The following FRY variants were observed in gnomAD, a reference collection of about 807,000 sequenced individuals.
The protein encoded by FRY is protein furry homolog.
Under a neutral mutation model 348.4 loss-of-function variants are expected in FRY, and 128 were observed. That is an observed-to-expected ratio of 0.37 (90% confidence interval 0.32 to 0.43). The LOEUF (loss-of-function observed/expected upper bound fraction) is 0.43, where lower values mean the gene tolerates loss of function less well. Among genes scored for constraint, FRY ranks in the 20% least tolerant of loss-of-function variants. The probability of loss-of-function intolerance (pLI) is 1.00; values close to 1 mark genes in which losing one functional copy is unlikely to be tolerated. For synonymous variants in FRY, 1,370 were observed against 1,374.7 expected (o/e 1.00, Z 0.08); for missense variants, 2,736 against 3,695.2 (o/e 0.74, Z 6.73).
At chr13:32,183,638 TGGTGGC>T (rs1882845123) in intron 24 of FRY, among the ~76,000 whole-genome samples, 1 of 151,910 alleles carries the variant, frequency 6.6e-6, no homozygotes, top group Admixed American at 6.6e-5. Flanking sequence ...TAGCTGGGCG[TGGTGGC>T]ACGCGCCTGT....
At chr13:32,294,996 AATTGATT>A (rs1261902506) in intron 60 of FRY, among the ~76,000 whole-genome samples, 199 bp from the exon 61 acceptor site, 1 of 152,164 alleles carries the variant, frequency 6.6e-6, no homozygotes, top group Non-Finnish European at 1.5e-5. Flanking sequence ...AATATTCTAA[AATTGATT>A]ATGGTGATGT....
Position 32,124,805 on chromosome 13 carries a change from C to A in FRY, c.646C>A (p.Pro216Thr). 6.2e-7 allele frequency: 1 copy of A among 1,611,572 alleles called. No homozygotes were observed. The highest frequency in any genetic ancestry group is 1.1e-5 in the South Asian group (1 of 90,998). Reference sequence around the variant, plus strand: ...TTATACCCTACTTAGGTACCTTGGTCCCAACACTGGCAATATGCATATTGT... The same window carrying A: ...TTATACCCTACTTAGGTACCTTGGTACCAACACTGGCAATATGCATATTGT... ...HFKYKEGYLGPNTGNMHIVAD... is the reference protein window; with the variant it reads ...HFKYKEGYLGTNTGNMHIVAD... The change falls in exon 7 of 61, where the codon CCC becomes ACC. Residue 216 changes from proline (P) to threonine (T), a missense_variant. Pro to Thr is a conservative substitution (Grantham distance 38). This residue lies in a region of FRY where 309 missense variants were observed against 418.1 expected (regional missense o/e 0.74). Transcript: ENST00000542859.
intron 2 of FRY, among the ~76,000 whole-genome samples, chr13:32,079,730 T>A (rs1480836711): frequency 6.6e-6 from 1 of 152,066 alleles, no homozygotes; most frequent in African/African-American, 2.4e-5. Flanking sequence ...CAAAGGACAG[T>A]CAGGAAGGAA....
Position 32,237,429 on chromosome 13 carries a change from A to G in FRY, c.5861A>G (p.Lys1954Arg). Residue 1954 changes from lysine to arginine, a missense_variant, in exon 44 of 61, where the codon AAG (lysine) becomes AGG (arginine). This residue lies in a region of FRY where 794 missense variants were observed against 977.0 expected (regional missense o/e 0.81). Transcript: ENST00000542859. The surrounding 1 kb of genome is among the most constrained non-coding windows in gnomAD (Gnocchi z 6.3). ...AGCAGTAAACTAACAGCAAGCAGAA[A>G]GAGCACAGGACAACTAAACATGAAC... ...SSSSKLTASR[K>R]STGQLNMNPG... 6.2e-7 allele frequency: 1 copy of G among 1,614,096 alleles called. No homozygotes were observed. Among genetic ancestry groups the G allele is most frequent in the Non-Finnish European group, 8.5e-7 (1 of 1,180,012 alleles).
chr13:32,280,336 T>C (rs1888747033), intron 58 of FRY, among the ~76,000 whole-genome samples: 1 of 152,210 alleles, frequency 6.6e-6, no homozygotes, highest in Non-Finnish European at 1.5e-5. Flanking sequence ...CTCCAGCATT[T>C]CCCTCAATCC....
At chr13:32,236,036 G>T in intron 42 of FRY, 42 bp from the exon 43 acceptor site, 1 of 1,237,994 alleles carries the variant, frequency 8.1e-7, no homozygotes, top group South Asian at 1.2e-5. Flanking sequence ...AATTAACAAT[G>T]GTTACAAGCA....
At chr13:32,183,077 C>A in intron 24 of FRY, 43 bp downstream of exon 24, 1 of 1,199,610 alleles carries the variant, frequency 8.3e-7, no homozygotes, top group Non-Finnish European at 1.2e-6. Context: ...GTTTTTTGGA[C>A]AATCATCTGA....
chr13:32,263,779 C>G (rs545473650), intron 53 of FRY, among the ~76,000 whole-genome samples: 1 of 152,130 alleles, frequency 6.6e-6, no homozygotes, highest in East Asian at 1.9e-4. Flanking sequence ...GAGGCCGAGG[C>G]GGGTGGATCA....
intron 51 of FRY, among the ~76,000 whole-genome samples, chr13:32,260,453 G>T (rs1450174046): frequency 6.6e-6 from 1 of 152,084 alleles, no homozygotes; most frequent in Non-Finnish European, 1.5e-5. Context: ...AAAAAGTTAT[G>T]TTAGTCAAAT....
chr13:32,274,608 G>A (rs949046519), intron 55 of FRY, among the ~76,000 whole-genome samples: 6 of 150,442 alleles, frequency 4.0e-5, no homozygotes, highest in African/African-American at 1.2e-4. Flanking sequence ...GGAGGCTGAG[G>A]CAGGAGAATG....
chr13:32,034,467 G>A (rs1237988590), intron 1 of FRY, among the ~76,000 whole-genome samples: 1 of 152,106 alleles, frequency 6.6e-6, no homozygotes, highest in East Asian at 1.9e-4. Context: ...GAATGGAGGT[G>A]GGAATTAAAA....
At chr13:32,089,933 T>C (rs1197559752) in intron 2 of FRY, among the ~76,000 whole-genome samples, 2 of 152,110 alleles carry the variant, frequency 1.3e-5, no homozygotes, top group Admixed American at 1.3e-4. Flanking sequence ...CTAGGGAGAC[T>C]AATTTTAGTG....
chr13:32,159,336 T>G (rs1405527315), intron 16 of FRY, among the ~76,000 whole-genome samples: 2 of 151,960 alleles, frequency 1.3e-5, no homozygotes, highest in Admixed American at 1.3e-4. Context: ...GAACAGTCAT[T>G]GGAGTTGATA....
intron 40 of FRY, among the ~76,000 whole-genome samples, chr13:32,230,067 C>T (rs1885822834): frequency 6.6e-6 from 1 of 152,064 alleles, no homozygotes; most frequent in African/African-American, 2.4e-5. Flanking sequence ...ATTTTTTTAA[C>T]TCACATTTTA....
Position 32,227,372 on chromosome 13 carries a change from A to G in FRY, c.5207-1084A>G, listed in dbSNP as rs1037914527. On this transcript the variant is annotated intron_variant, in intron 39 of 60. Transcript: ENST00000542859. ...CACTGAGATACAGAGAATTCCATAAATTCCCTGAGGCTACACTATAAGTGG... is the reference window on the plus strand; with the variant it reads ...CACTGAGATACAGAGAATTCCATAAGTTCCCTGAGGCTACACTATAAGTGG... Among the ~76,000 whole-genome samples, 4 of 152,342 alleles carry G rather than the reference A, an allele frequency of 2.6e-5. No homozygotes were observed. The South Asian group carries it at 8.3e-4, about 32-fold the overall frequency.
intron 1 of FRY, among the ~76,000 whole-genome samples, chr13:32,069,035 GC>G (rs1319300383): frequency 1.3e-5 from 2 of 149,984 alleles, no homozygotes; most frequent in South Asian, 2.1e-4. Flanking sequence ...TCCTGCCTCA[GC>G]CTCCCAAGTA....
At chr13:32,195,569 A>G (rs1883626666) in intron 29 of FRY, among the ~76,000 whole-genome samples, 1 of 152,192 alleles carries the variant, frequency 6.6e-6, no homozygotes, top group African/African-American at 2.4e-5. Flanking sequence ...GGCTTGAGCT[A>G]TCCTAATCAA....
chr13:32,077,950 A>T (rs1875201310), intron 1 of FRY, among the ~76,000 whole-genome samples: 1 of 152,192 alleles, frequency 6.6e-6, no homozygotes, highest in Non-Finnish European at 1.5e-5. Flanking sequence ...CGTTTCTTTC[A>T]TTGGATATTA....
intron 17 of FRY, among the ~76,000 whole-genome samples, chr13:32,167,026 G>A (rs1881779711): frequency 6.6e-6 from 1 of 152,112 alleles, no homozygotes; most frequent in Non-Finnish European, 1.5e-5. Flanking sequence ...ATCCTGCATT[G>A]TGGGTTTGAA....
Sources: gnomAD v4.1 joint callset for allele counts (sites outside exome capture counted in the v4.1 genomes callset) on GRCh38, gnomAD v4.1.1 for gene constraint, gnomAD v4.1.1 regional missense constraint, Gnocchi (gnomAD v3.1) non-coding constraint, MANE v1.5 for transcripts, NCBI Gene and HGNC (gene_info 2026-07-23, HGNC 2026-07-21) for gene names.